CRB1: variants seen among roughly 807,000 people sequenced by gnomAD.
CRB1 encodes crumbs cell polarity complex component 1.
Under a neutral mutation model 120.0 loss-of-function variants are expected in CRB1, and 83 were observed. The observed-to-expected ratio is 0.69, with a 90% CI of 0.58 to 0.83. CRB1 has a LOEUF of 0.83. Among genes scored for constraint, CRB1 ranks in the 40% least tolerant of loss-of-function variants. The pLI is 0.00. For synonymous variants in CRB1, 625 were observed against 612.5 expected, an observed-to-expected ratio of 1.02 and a Z score of -0.30; for missense variants, 1,699 against 1,687.6, an observed-to-expected ratio of 1.01 and a Z score of -0.12.
chr1:197,417,775 T>C (rs1664083192), intron 5 of CRB1, among the ~76,000 whole-genome samples: 1 of 152,190 alleles, frequency 6.6e-6, no homozygotes, highest in Non-Finnish European at 1.5e-5. Flanking sequence ...TCCCCCTTTT[T>C]TTGCCACCAA....
intron 11 of CRB1, among the ~76,000 whole-genome samples, chr1:197,469,873 A>G (rs1223404170): frequency 6.6e-6 from 1 of 152,152 alleles, no homozygotes; most frequent in Non-Finnish European, 1.5e-5. Context: ...AGGTAAAAAC[A>G]AACACATTGT....
intron 9 of CRB1, among the ~76,000 whole-genome samples, chr1:197,435,915 C>A (rs1305967165): frequency 6.6e-6 from 1 of 152,052 alleles, no homozygotes; most frequent in African/African-American, 2.4e-5. Context: ...CCTCGGGAAA[C>A]AAATGCATTT....
At chr1:197,372,732 A>G (rs1360047129) in intron 5 of CRB1, among the ~76,000 whole-genome samples, 1 of 151,968 alleles carries the variant, frequency 6.6e-6, no homozygotes, top group Non-Finnish European at 1.5e-5. Flanking sequence ...AAACAAATAA[A>G]AAAACTGAAA....
chr1:197,325,550 A>T (rs983618009), intron 1 of CRB1, among the ~76,000 whole-genome samples: 10 of 152,194 alleles, frequency 6.6e-5, no homozygotes, highest in Non-Finnish European at 7.3e-5. Context: ...ATTAAAATTT[A>T]AAAAACTGTG....
chr1:197,434,931 T>G lies in CRB1; in HGVS notation c.3068T>G (p.Leu1023Arg), dbSNP rs1665059327. The part of the protein sequence containing the change: ...QSGNSFYMLS[L>R]TSLQSVNDGT... ...GGCAACAGCTTTTATATGCTAAGTC[T>G]GACAAGTTTGCAGTCAGTGAATGAT... Residue 1023 changes from leucine to arginine, a missense_variant, in exon 9 of 12, where the codon CTG becomes CGG. Coordinates refer to ENST00000367400, the MANE Select transcript of CRB1 (RefSeq NM_201253.3). 3 of 1,613,936 alleles carry G rather than the reference T, an allele frequency of 1.9e-6. No individual in the cohort carries two copies. The East Asian group carries it at 6.7e-5, about 36-fold the overall frequency.
chr1:197,322,463 A>AAATAAG (rs1553248310), intron 1 of CRB1, among the ~76,000 whole-genome samples: 2 of 150,208 alleles, frequency 1.3e-5, no homozygotes, highest in African/African-American at 4.9e-5. Context: ...ACTCTGTCTC[A>AAATAAG]AATAATAATA....
intron 1 of CRB1, among the ~76,000 whole-genome samples, chr1:197,316,386 G>T (rs1227543911): frequency 1.1e-5 from 1 of 88,892 alleles, no homozygotes; most frequent in African/African-American, 4.1e-5. Context: ...GGGTTTCACC[G>T]TGTTAGCCAA....
chr1:197,348,965 T>C (rs1659936452), intron 4 of CRB1, among the ~76,000 whole-genome samples: 2 of 152,222 alleles, frequency 1.3e-5, no homozygotes, highest in South Asian at 4.1e-4. Context: ...ATTTATAAAA[T>C]CTACAGTAGT....
At chr1:197,251,461 G>C in the CRB1 span, among the ~76,000 whole-genome samples, 1 of 151,994 alleles carries the variant, frequency 6.6e-6, no homozygotes, top group East Asian at 1.9e-4. Flanking sequence ...GTGGAATACA[G>C]TTGGTAATTA....
the CRB1 span, among the ~76,000 whole-genome samples, chr1:197,251,991 A>G: frequency 1.3e-5 from 2 of 151,976 alleles, no homozygotes; most frequent in Non-Finnish European, 2.9e-5. Context: ...TATGATTTTT[A>G]CTTATGGCAG....
chr1:197,247,050 A>C, the CRB1 span, among the ~76,000 whole-genome samples: 5 of 152,088 alleles, frequency 3.3e-5, no homozygotes, highest in Non-Finnish European at 7.4e-5. Flanking sequence ...GTAAATCCTC[A>C]TACTGTTAAA....
At chr1:197,391,590 C>A (rs897736363) in intron 5 of CRB1, among the ~76,000 whole-genome samples, 4 of 152,098 alleles carry the variant, frequency 2.6e-5, no homozygotes, top group African/African-American at 9.7e-5. Context: ...ATATATAACA[C>A]CACACAGTGG....
At chr1:197,393,629 A>T (rs530466230) in intron 5 of CRB1, among the ~76,000 whole-genome samples, 5 of 152,110 alleles carry the variant, frequency 3.3e-5, no homozygotes, top group African/African-American at 9.7e-5. Flanking sequence ...TTGAATGACC[A>T]AACTCTCTAC....
In CRB1 at chr1:197,441,912, C is replaced by G. The variant is rs796919756; in HGVS notation, c.3879-254C>G. On this transcript the variant is annotated intron_variant, in intron 10 of 11. Transcript: ENST00000367400. ...TTTTCTCTTGGTTTCTAAATATTTG[C>G]ATCTATTTTCTCATTCTAATTAATT... 170 of 493,436 alleles carry G rather than the reference C, an allele frequency of 3.4e-4. 1 individual carries two copies. Among genetic ancestry groups the G allele is most frequent in the African/African-American group, 3.0e-3 (156 of 51,994 alleles). 30.6% of individuals were successfully genotyped at this position (493,436 alleles called of 1,614,324 possible). A position where few individuals can be genotyped will look rare whatever the true frequency, so the allele number is the denominator to read the frequency against.
At chr1:197,364,332 A>G (rs1660949904) in intron 5 of CRB1, among the ~76,000 whole-genome samples, 1 of 152,218 alleles carries the variant, frequency 6.6e-6, no homozygotes, top group African/African-American at 2.4e-5. Flanking sequence ...TCTAATTTTC[A>G]GCAATTTATT....
At chr1:197,391,294 A>T (rs1336996209) in intron 5 of CRB1, among the ~76,000 whole-genome samples, 2 of 152,096 alleles carry the variant, frequency 1.3e-5, no homozygotes, top group African/African-American at 4.8e-5. Context: ...TGGCCTGTCC[A>T]CCTCCTATAA....
chr1:197,417,796 C>G lies in CRB1; in HGVS notation c.1172-3204C>G, dbSNP rs569983110. ...TTTTTTTGCCACCAAGTTCAGTCTTCTAGGGGACAAAACACATAAATCTGA... is the reference window on the plus strand; with the variant it reads ...TTTTTTTGCCACCAAGTTCAGTCTTGTAGGGGACAAAACACATAAATCTGA... On this transcript the variant is annotated intron_variant, in intron 5 of 11. Coordinates refer to ENST00000367400, the MANE Select transcript of CRB1 (RefSeq NM_201253.3). Among the ~76,000 whole-genome samples, 4 of 152,212 alleles carry G rather than the reference C, an allele frequency of 2.6e-5. No individual in the cohort carries two copies. In the East Asian group the frequency reaches 7.7e-4, roughly 29 times the overall value.
intron 6 of CRB1, among the ~76,000 whole-genome samples, chr1:197,423,238 T>C (rs1239347563): frequency 1.3e-5 from 2 of 152,180 alleles, no homozygotes; most frequent in Non-Finnish European, 2.9e-5. Flanking sequence ...TGATGTTAAC[T>C]GTCCTAGTAA....
the CRB1 span, among the ~76,000 whole-genome samples, chr1:197,262,300 T>C: frequency 6.6e-6 from 1 of 152,200 alleles, no homozygotes; most frequent in Non-Finnish European, 1.5e-5. Context: ...TGGTTTTGAA[T>C]AGACAGCTCA....
Sources: gnomAD v4.1 joint callset for allele counts (sites outside exome capture counted in the v4.1 genomes callset) on GRCh38, gnomAD v4.1.1 for gene constraint, MANE v1.5 for transcripts, NCBI Gene and HGNC (gene_info 2026-07-23, HGNC 2026-07-21) for gene names.